Variants in CAMTA1 observed in about 807,000 individuals in gnomAD.
The protein encoded by CAMTA1 is calmodulin binding transcription activator 1.
A neutral mutation model predicts 170.9 loss-of-function variants in CAMTA1; 27 were observed. The ratio of observed to expected loss-of-function variants is 0.16; its 90% CI spans 0.12 to 0.22. The LOEUF (loss-of-function observed/expected upper bound fraction) is 0.22, where lower values mean the gene tolerates loss of function less well. Ranked by LOEUF, CAMTA1 falls within the 10% of genes least tolerant of loss-of-function variation. The probability of loss-of-function intolerance (pLI) is 1.00; values close to 1 mark genes in which losing one functional copy is unlikely to be tolerated. For missense variants in CAMTA1, 1,619 were observed against 2,217.2 expected, an observed-to-expected ratio of 0.73 and a Z score of 5.42; for synonymous variants, 833 against 891.5, an observed-to-expected ratio of 0.93 and a Z score of 1.17.
At chr1:7,478,865 C>T (rs116561522) in intron 6 of CAMTA1, among the ~76,000 whole-genome samples, 2 of 152,254 alleles carry the variant, frequency 1.3e-5, no homozygotes, top group African/African-American at 2.4e-5. Flanking sequence ...ACATTGTGTC[C>T]TTAATATTCT....
intron 4 of CAMTA1, among the ~76,000 whole-genome samples, chr1:7,244,319 G>A (rs974878142): frequency 6.6e-6 from 1 of 152,202 alleles, no homozygotes; most frequent in East Asian, 1.9e-4. Flanking sequence ...CAACCATTGC[G>A]GAAGTCGGTG....
chr1:7,763,209 G>A (rs938797219), intron 22 of CAMTA1, among the ~76,000 whole-genome samples: 1 of 152,164 alleles, frequency 6.6e-6, no homozygotes, highest in African/African-American at 2.4e-5. Context: ...TAAGTAACCT[G>A]TATAGCTATT....
chr1:7,123,738 C>A (rs1461070635), intron 4 of CAMTA1, among the ~76,000 whole-genome samples: 1 of 152,134 alleles, frequency 6.6e-6, no homozygotes, highest in Non-Finnish European at 1.5e-5. Flanking sequence ...TTTGGAGAGC[C>A]CTGTTGTCAC....
intron 6 of CAMTA1, among the ~76,000 whole-genome samples, chr1:7,509,946 C>T (rs1193176): frequency 1.3e-5 from 2 of 150,242 alleles, no homozygotes; most frequent in East Asian, 2.0e-4. Flanking sequence ...GAAAAGCTAC[C>T]CTGACTCTCA....
At position 7,146,397 on chromosome 1, in the gene CAMTA1, G is replaced by T. The variant is rs1238191335; in HGVS notation, c.302+55026G>T. ...TGAAGAGATAAGAATGTGTAGGAAGGTTATCTTTCAATTAAGAAGGGCAGT... is the reference window on the plus strand; with the variant it reads ...TGAAGAGATAAGAATGTGTAGGAAGTTTATCTTTCAATTAAGAAGGGCAGT... On this transcript the variant is annotated intron_variant, in intron 4 of 22. Transcript: ENST00000303635. The surrounding 1 kb of genome is among the most constrained non-coding windows in gnomAD (Gnocchi z 4.3). Among the ~76,000 whole-genome samples, 1 of 152,188 alleles carries T rather than the reference G, an allele frequency of 6.6e-6. No individual in the cohort carries two copies. The highest frequency in any genetic ancestry group is 1.5e-5 in the Non-Finnish European group (1 of 68,026).
intron 6 of CAMTA1, among the ~76,000 whole-genome samples, chr1:7,594,406 G>A (rs1458620055): frequency 6.6e-6 from 1 of 152,236 alleles, no homozygotes; most frequent in Non-Finnish European, 1.5e-5. Flanking sequence ...GAGCTGGTGA[G>A]CAAAGGGACC....
At position 7,527,566 on chromosome 1, in the gene CAMTA1, G is replaced by T. The variant is rs1725227; in HGVS notation, c.510+59665G>T. On this transcript the variant is annotated intron_variant, in intron 6 of 22. Coordinates refer to ENST00000303635, the MANE Select transcript of CAMTA1 (RefSeq NM_015215.4). ...AGCCTGGGTCCTGGCCCTGCAGAGG[G>T]GCTGGATGGGGCAGGGCCAGGGAGG... Among the ~76,000 whole-genome samples the T allele has an allele frequency of 3.9e-5, 6 of 152,108 alleles. No homozygotes were observed. The East Asian group carries it at 5.8e-4, about 15-fold the overall frequency.
chr1:6,838,987 C>T (rs750227818), intron 3 of CAMTA1, among the ~76,000 whole-genome samples: 25 of 152,046 alleles, frequency 1.6e-4, no homozygotes, highest in Admixed American at 5.2e-4. Context: ...GAATTCCTGG[C>T]CTCAAATGAT....
At chr1:7,744,678 A>G (rs533803692) in intron 16 of CAMTA1, among the ~76,000 whole-genome samples, 157 bp from the exon 17 acceptor site, 2 of 152,276 alleles carry the variant, frequency 1.3e-5, no homozygotes, top group African/African-American at 4.8e-5. Context: ...GTGTTATGTT[A>G]TAACCTTAAA....
At chr1:7,386,395 TAG>T (rs1437337883) in intron 5 of CAMTA1, among the ~76,000 whole-genome samples, 5 of 152,182 alleles carry the variant, frequency 3.3e-5, no homozygotes, top group Admixed American at 3.3e-4. Flanking sequence ...TGGGAGGCTG[TAG>T]CCACTCAGTC....
chr1:7,740,158 G>T (rs1032552276), intron 16 of CAMTA1, among the ~76,000 whole-genome samples: 3 of 152,334 alleles, frequency 2.0e-5, no homozygotes, highest in Middle Eastern at 3.4e-3. Flanking sequence ...TCATAGGGAG[G>T]ACTGCCCAGA....
Position 7,248,435 on chromosome 1 carries a change from C to T in CAMTA1, c.303-1056C>T, listed in dbSNP as rs188080864. Among the ~76,000 whole-genome samples, 19 of 152,274 alleles carry T rather than the reference C, an allele frequency of 1.2e-4. No homozygotes were observed. Among genetic ancestry groups the T allele is most frequent in the South Asian group, 4.1e-4 (2 of 4,824 alleles). On this transcript the variant is annotated intron_variant, in intron 4 of 22. Transcript: ENST00000303635. The surrounding 1 kb of genome is among the most constrained non-coding windows in gnomAD (Gnocchi z 4.0). ...GCAAGCCTGCACTGGCCTCGTGGTG[C>T]GCAGAATCGCTGGCATTCCTCTTCC...
At chr1:7,196,846 T>G (rs1655614263) in intron 4 of CAMTA1, among the ~76,000 whole-genome samples, 1 of 152,216 alleles carries the variant, frequency 6.6e-6, no homozygotes, top group Non-Finnish European at 1.5e-5. Flanking sequence ...TTCATGCACA[T>G]TCCGCTGAAT....
chr1:7,627,954 G>A (rs2095644424), intron 6 of CAMTA1, among the ~76,000 whole-genome samples: 1 of 152,222 alleles, frequency 6.6e-6, no homozygotes, highest in Non-Finnish European at 1.5e-5. Flanking sequence ...GTGGTGGAAA[G>A]AGTGACCGGC....
At chr1:7,590,847 G>A (rs2095350262) in intron 6 of CAMTA1, among the ~76,000 whole-genome samples, 1 of 152,214 alleles carries the variant, frequency 6.6e-6, no homozygotes, top group Non-Finnish European at 1.5e-5. Context: ...GGCTTTTCCA[G>A]GAGGCCGTCT....
At chr1:6,824,711 A>C (rs1203011014) in intron 2 of CAMTA1, among the ~76,000 whole-genome samples, 1 of 152,212 alleles carries the variant, frequency 6.6e-6, no homozygotes, top group African/African-American at 2.4e-5. Flanking sequence ...TAAGAAACTT[A>C]ACATTTTTTC....
At chr1:7,187,186 G>A (rs1653515906) in intron 4 of CAMTA1, among the ~76,000 whole-genome samples, 1 of 152,104 alleles carries the variant, frequency 6.6e-6, no homozygotes, top group Non-Finnish European at 1.5e-5. Context: ...CTCCAGGTTT[G>A]CAGAGAGGAA....
At chr1:7,568,311 C>T (rs1396720695) in intron 6 of CAMTA1, among the ~76,000 whole-genome samples, 1 of 150,282 alleles carries the variant, frequency 6.7e-6, no homozygotes, top group African/African-American at 2.5e-5. Context: ...ATCACCACCA[C>T]CATCCCTCAT....
intron 6 of CAMTA1, among the ~76,000 whole-genome samples, chr1:7,613,643 A>T (rs114785897): frequency 1.4e-3 from 214 of 152,074 alleles, no homozygotes; most frequent in African/African-American, 5.1e-3. Context: ...AGGGAATGGG[A>T]GCCGGGGCAC....
Sources: allele counts gnomAD v4.1 joint callset (sites outside exome capture counted in the v4.1 genomes callset), GRCh38; gene constraint gnomAD v4.1.1; non-coding constraint Gnocchi (gnomAD v3.1); transcripts MANE v1.5; gene names NCBI Gene and HGNC (gene_info 2026-07-23, HGNC 2026-07-21).